Variants in KIFC3 observed in about 807,000 individuals in gnomAD.
The protein encoded by KIFC3 is kinesin family member C3.
KIFC3 carries 60 observed loss-of-function variants against 101.8 expected under a neutral mutation model. The observed-to-expected ratio is 0.59, with a 90% CI of 0.48 to 0.73. KIFC3 has a LOEUF of 0.73. KIFC3 is among the 30% of genes least tolerant of loss of function. The probability of loss-of-function intolerance (pLI) is 0.00; values close to 1 mark genes in which losing one functional copy is unlikely to be tolerated. For missense variants in KIFC3, 966 were observed against 1,137.1 expected (o/e 0.85, Z 2.16); for synonymous variants, 476 against 482.7 (o/e 0.99, Z 0.18).
intron 1 of KIFC3, among the ~76,000 whole-genome samples, chr16:57,798,832 T>C (rs1414348367): frequency 6.6e-6 from 1 of 152,182 alleles, no homozygotes; most frequent in Non-Finnish European, 1.5e-5. Context: ...ATACAGTAAG[T>C]TCTCATTCAT....
intron 3 of KIFC3, among the ~76,000 whole-genome samples, chr16:57,789,637 A>G (rs1292391309): frequency 6.6e-6 from 1 of 152,250 alleles, no homozygotes; most frequent in African/African-American, 2.4e-5. Context: ...ACGTGAGAAG[A>G]GGGGAAAGGA....
intron 12 of KIFC3, among the ~76,000 whole-genome samples, chr16:57,763,849 A>G (rs1253838662): frequency 1.3e-5 from 2 of 152,066 alleles, no homozygotes; most frequent in Non-Finnish European, 2.9e-5. Flanking sequence ...TGGTCCTGAG[A>G]GAGGTCGGTG....
chr16:57,782,206 C>A, intron 3 of KIFC3: 2 of 921,424 alleles, frequency 2.2e-6, no homozygotes, highest in Non-Finnish European at 2.6e-6. Context: ...ACAGATCCAC[C>A]CCCAAACTGC....
chr16:57,804,325 G>C (rs1461424614), upstream of KIFC3, among the ~76,000 whole-genome samples: 2 of 151,960 alleles, frequency 1.3e-5, no homozygotes, highest in Admixed American at 1.3e-4. Flanking sequence ...ATTTAACCCT[G>C]AACACCCTAT....
intron 3 of KIFC3, chr16:57,776,253 A>G (rs565136902): frequency 5.1e-6 from 5 of 985,470 alleles, no homozygotes; most frequent in East Asian, 2.3e-4. Flanking sequence ...AAGGAAACTC[A>G]GCCCAGAGGC....
intron 1 of KIFC3, among the ~76,000 whole-genome samples, chr16:57,823,761 TTGTGTGTGTGTGTG>T (rs542476459): frequency 5.5e-4 from 75 of 136,702 alleles, no homozygotes; most frequent in Admixed American, 1.5e-3. Context: ...CCCGGCTACT[TTGTGTGTGTGTGTG>T]TGTGTGTGTG....
chr16:57,792,067 T>A (rs912399082), intron 3 of KIFC3, among the ~76,000 whole-genome samples: 1 of 152,188 alleles, frequency 6.6e-6, no homozygotes, highest in East Asian at 1.9e-4. Flanking sequence ...TTGAAGGGTA[T>A]GTGTTTCCCA....
Position 57,758,549 on chromosome 16 carries a change from G to A in KIFC3, c.*385C>T. ...GGCTCCTCGCCCACCCCCTAAGGAG[G>A]GGGCTGGCCAGCTCTGCAAGCTGAG... On this transcript the variant is annotated 3_prime_UTR_variant, in exon 20 of 20. Coordinates refer to ENST00000445690, the MANE Select transcript of KIFC3 (RefSeq NM_001130100.2). 1 of 616,940 alleles carries A rather than the reference G, an allele frequency of 1.6e-6. No homozygotes were observed. Among genetic ancestry groups the A allele is most frequent in the Non-Finnish European group, 3.0e-6 (1 of 331,364 alleles). The allele number at this position is 616,940 out of a possible 1,614,324, so 38.2% of individuals were successfully genotyped here.
chr16:57,825,848 A>G (rs1416318328), intron 1 of KIFC3, among the ~76,000 whole-genome samples: 14 of 151,858 alleles, frequency 9.2e-5, no homozygotes, highest in African/African-American at 3.4e-4. Flanking sequence ...TGACTGGCTA[A>G]TTTTTTCCAT....
chr16:57,808,627 C>T (rs782094858), intron 1 of KIFC3, among the ~76,000 whole-genome samples: 5 of 152,138 alleles, frequency 3.3e-5, no homozygotes, highest in Non-Finnish European at 7.4e-5. Context: ...CACCAAATCC[C>T]ACCACCCTTC....
Position 57,758,913 on chromosome 16 carries a change from C to G in KIFC3, c.*25-4G>C. ...ACAGGCAGTGGCCGCGACTTCCCTG[C>G]AGGGGCATGAGATCATCAGCCTCTT... On this transcript the variant is annotated splice_polypyrimidine_tract_variant and splice_region_variant and intron_variant, in intron 19 of 19. Coordinates refer to ENST00000445690, the MANE Select transcript of KIFC3 (RefSeq NM_001130100.2). 6.4e-7 allele frequency: 1 copy of G among 1,573,730 alleles called. No homozygotes were observed.
At chr16:57,781,872 G>A in intron 3 of KIFC3, 1 of 946,960 alleles carries the variant, frequency 1.1e-6, no homozygotes, top group Non-Finnish European at 1.3e-6. Flanking sequence ...GGTGGACCTA[G>A]GACCGGAACT....
At chr16:57,850,381 G>A (rs2056024012) in intron 1 of KIFC3, among the ~76,000 whole-genome samples, 1 of 151,430 alleles carries the variant, frequency 6.6e-6, no homozygotes, top group African/African-American at 2.4e-5. Context: ...CCAGCCTGGG[G>A]GAGAGAGTGA....
At chr16:57,768,782 C>T (rs1224750993) in intron 9 of KIFC3, among the ~76,000 whole-genome samples, 1 of 152,212 alleles carries the variant, frequency 6.6e-6, no homozygotes, top group Non-Finnish European at 1.5e-5. Context: ...CGGCTATAAA[C>T]AGCTCGACAT....
chr16:57,857,261 G>A (rs2056189410), intron 1 of KIFC3, among the ~76,000 whole-genome samples: 1 of 152,102 alleles, frequency 6.6e-6, no homozygotes. Context: ...CCATACCTTA[G>A]ATACTGGCTT....
intron 1 of KIFC3, among the ~76,000 whole-genome samples, chr16:57,823,381 C>T (rs2055391148): frequency 6.6e-6 from 1 of 152,176 alleles, no homozygotes; most frequent in Non-Finnish European, 1.5e-5. Context: ...TGTATACAAG[C>T]AAGCTGTGCC....
intron 3 of KIFC3, among the ~76,000 whole-genome samples, chr16:57,786,157 G>T (rs1232891737): frequency 6.6e-6 from 1 of 152,140 alleles, no homozygotes; most frequent in Non-Finnish European, 1.5e-5. Context: ...GGAGCCAGGG[G>T]AGCCGTGTGT....
At position 57,790,588 on chromosome 16, in the gene KIFC3, G is replaced by A. The variant is rs185789287; in HGVS notation, c.315+4411C>T. Among the ~76,000 whole-genome samples, 606 of 152,168 alleles carry A rather than the reference G, an allele frequency of 4.0e-3. 1 individual carries two copies. The highest frequency in any genetic ancestry group is 5.8e-3 in the Non-Finnish European group (394 of 68,002). The stretch of plus-strand genomic sequence containing the variant: ...CTCTTCCTCGGCTAAGCTGTGTGAC[G>A]GTCGGCAAGTTGCTTACCTTCTTGA... On this transcript the variant is annotated intron_variant, in intron 3 of 19. Coordinates refer to ENST00000445690, the MANE Select transcript of KIFC3 (RefSeq NM_001130100.2).
chr16:57,816,848 T>A (rs1555628970), intron 1 of KIFC3: 1 of 431,600 alleles, frequency 2.3e-6, no homozygotes, highest in South Asian at 1.7e-5. Context: ...GCCAGGGAGG[T>A]TGGAGGGGTC....
Sources: allele counts gnomAD v4.1 joint callset (sites outside exome capture counted in the v4.1 genomes callset), GRCh38; gene constraint gnomAD v4.1.1; transcripts MANE v1.5; gene names NCBI Gene and HGNC (gene_info 2026-07-23, HGNC 2026-07-21).